FNDC7: variants seen among roughly 807,000 people sequenced by gnomAD.
FNDC7 encodes the protein fibronectin type III domain-containing protein 7.
In FNDC7, 66 loss-of-function variants were observed where a neutral mutation model predicts 74.2. The ratio of observed to expected loss-of-function variants is 0.89; its 90% confidence interval spans 0.73 to 1.09. The LOEUF is 1.09. Among genes scored for constraint, FNDC7 ranks in the 50% least tolerant of loss-of-function variants. The pLI, the probability that FNDC7 is intolerant of heterozygous loss-of-function variation, is 0.00. For synonymous variants in FNDC7, 307 were observed against 330.2 expected (o/e 0.93, Z 0.76); for missense variants, 829 against 893.4 (o/e 0.93, Z 0.92).
intron 6 of FNDC7, 95 bp downstream of exon 6, chr1:108,726,099 G>C: frequency 7.1e-7 from 1 of 1,411,550 alleles, no homozygotes; most frequent in Non-Finnish European, 9.8e-7. Flanking sequence ...TTACCACCTG[G>C]GAGTCATTCT....
chr1:108,721,212 G>T (rs1661085260), intron 4 of FNDC7, among the ~76,000 whole-genome samples: 1 of 152,358 alleles, frequency 6.6e-6, no homozygotes, highest in South Asian at 2.1e-4. Context: ...GCTCACGCCT[G>T]TAATCCCAGC....
intron 7 of FNDC7, 46 bp downstream of exon 7, chr1:108,728,111 C>A: frequency 6.3e-7 from 1 of 1,588,338 alleles, no homozygotes; most frequent in South Asian, 1.2e-5. Context: ...GAATGATTCA[C>A]CCCAGCTCTG....
intron 9 of FNDC7, among the ~76,000 whole-genome samples, chr1:108,732,398 A>C (rs1334717092): frequency 1.3e-5 from 2 of 152,028 alleles, no homozygotes; most frequent in African/African-American, 2.4e-5. Context: ...GTGGACCAGC[A>C]AACTTGGTCA....
At chr1:108,722,632 CCTGACTG>C in intron 5 of FNDC7, 40 bp downstream of exon 5, 1 of 1,578,358 alleles carries the variant, frequency 6.3e-7, no homozygotes, top group East Asian at 2.3e-5. Context: ...GGCTTGCAGC[CCTGACTG>C]CTGTAAGGGA....
chr1:108,728,928 T>C, intron 8 of FNDC7, 42 bp downstream of exon 8: 2 of 1,602,004 alleles, frequency 1.2e-6, no homozygotes, highest in South Asian at 2.2e-5. Context: ...TTCAGTGGGG[T>C]CCTTATGGAG....
chr1:108,718,675 C>A, intron 3 of FNDC7, 114 bp from the exon 4 acceptor site: 1 of 1,171,244 alleles, frequency 8.5e-7, no homozygotes, highest in Non-Finnish European at 1.2e-6. Flanking sequence ...TGTGAATGCT[C>A]TTCTAAAGCA....
chr1:108,717,541 G>A (rs1184416258), intron 2 of FNDC7, among the ~76,000 whole-genome samples: 3 of 152,116 alleles, frequency 2.0e-5, no homozygotes, highest in Non-Finnish European at 4.4e-5. Flanking sequence ...TACCCCACAG[G>A]CAATTGGGGA....
chr1:108,740,966 T>G (rs1661630763), intron 11 of FNDC7, among the ~76,000 whole-genome samples: 1 of 152,240 alleles, frequency 6.6e-6, no homozygotes, highest in Non-Finnish European at 1.5e-5. Context: ...ACTTCCTCAT[T>G]GATTCTCTAA....
chr1:108,712,965 T>C lies in FNDC7; in HGVS notation c.32T>C (p.Leu11Ser). 6.4e-7 allele frequency: 1 copy of C among 1,551,726 alleles called. No individual in the cohort carries two copies. Among genetic ancestry groups the C allele is most frequent in the Non-Finnish European group, 8.7e-7 (1 of 1,146,986 alleles). ...GGTGGACGAGAGACATGTTTGCCTT[T>C]GATTGGATTCATTCTTATCTGTCTT... MAGGRETCLP[L>S]IGFILICLKM... Residue 11 changes from leucine to serine, a missense_variant, in exon 1 of 13, where the codon TTG (leucine) becomes TCG (serine). Transcript: ENST00000370017.
In FNDC7 at chr1:108,717,915, C is replaced by A; in HGVS notation, c.221C>A (p.Ala74Asp). The A allele has an allele frequency of 6.4e-7, 1 of 1,551,758 alleles. No homozygotes were observed. Among genetic ancestry groups the A allele is most frequent in the African/African-American group, 1.4e-5 (1 of 73,170 alleles). Residue 74 changes from alanine (A) to aspartate (D), a missense_variant, in exon 3 of 13, where the codon GCC becomes GAC. Transcript: ENST00000370017. Reference protein sequence around the residue: ...DGDTVIETTVANSPGTVTGLK... With the variant: ...DGDTVIETTVDNSPGTVTGLK... ...GACACAGTCATTGAAACCACGGTGG[C>A]CAATTCCCCAGGCACTGTGACGGGA...
At chr1:108,717,248 A>G (rs1660994754) in intron 2 of FNDC7, among the ~76,000 whole-genome samples, 2 of 152,258 alleles carry the variant, frequency 1.3e-5, no homozygotes, top group Non-Finnish European at 2.9e-5. Flanking sequence ...CCATTGGATT[A>G]AAGGTTATCT....
intron 4 of FNDC7, 136 bp downstream of exon 4, chr1:108,719,185 G>A: frequency 1.1e-6 from 1 of 928,374 alleles, no homozygotes; most frequent in South Asian, 1.8e-5. Context: ...TTATTATAAA[G>A]TTATTTATAG....
intron 10 of FNDC7, among the ~76,000 whole-genome samples, chr1:108,737,253 G>A: frequency 6.6e-6 from 1 of 152,176 alleles, no homozygotes; most frequent in East Asian, 1.9e-4. Context: ...TTACAGGTGT[G>A]AGTCACTGCG....
intron 11 of FNDC7, among the ~76,000 whole-genome samples, chr1:108,738,034 A>AC (rs1482031645): frequency 1.3e-5 from 2 of 152,186 alleles, no homozygotes; most frequent in African/African-American, 4.8e-5. Context: ...CACACACATC[A>AC]CCTGGGGCCT....
intron 6 of FNDC7, 74 bp downstream of exon 6, chr1:108,726,078 C>A: frequency 6.5e-7 from 1 of 1,530,354 alleles, no homozygotes; most frequent in Non-Finnish European, 8.9e-7. Flanking sequence ...TCACCTATTC[C>A]ACTTATTGAC....
At position 108,727,828 on chromosome 1, in the gene FNDC7, A is replaced by C. The variant is rs763141937; in HGVS notation, c.1132A>C (p.Ile378Leu). Residue 378 changes from isoleucine (I) to leucine (L), a missense_variant, in exon 7 of 13, where the codon ATT (isoleucine) becomes CTT (leucine). Ile to Leu is a conservative substitution (Grantham distance 5). Coordinates refer to ENST00000370017, the MANE Select transcript of FNDC7 (RefSeq NM_001144937.3). ...TTCAGCTCCCTGTTGTCCTAGTGAC[A>C]TTAACCCCGTGTTGGTGTCCAGTGA... is the stretch of plus-strand genomic sequence containing the variant. ...YTTAPCCPSD[I>L]NPVLVSSDRV... is the part of the protein sequence containing the mutation. 3 of 1,614,022 alleles carry C rather than the reference A, an allele frequency of 1.9e-6. No individual in the cohort carries two copies. The Admixed American group carries it at 5.0e-5, about 27-fold the overall frequency.
At position 108,730,257 on chromosome 1, in the gene FNDC7, G is replaced by A. The variant is rs149788245; in HGVS notation, c.1625-417G>A. ...CTGGGCATGGTGGCACGCACCTGTA[G>A]TCCCAGCTACTCAGGAGGCTGAGGC... On this transcript the variant is annotated intron_variant, in intron 8 of 12. Transcript: ENST00000370017. 1.9e-3 allele frequency among the ~76,000 whole-genome samples: 288 copies of A among 151,712 alleles called. 6 individuals carry two copies. In the East Asian group the frequency reaches 0.053, roughly 28 times the overall value.
chr1:108,734,949 C>T (rs1232547501), intron 10 of FNDC7, among the ~76,000 whole-genome samples: 3 of 152,076 alleles, frequency 2.0e-5, no homozygotes, highest in African/African-American at 4.8e-5. Flanking sequence ...AGCTCAGAGG[C>T]TCCCAAATCT....
chr1:108,717,626 T>C (rs1570724013), intron 2 of FNDC7, 151 bp from the exon 3 acceptor site: 2 of 801,532 alleles, frequency 2.5e-6, no homozygotes, highest in East Asian at 2.7e-5. Context: ...TTTGTCTTTC[T>C]TTTTCTCTGT....
Sources: gnomAD v4.1 joint callset for allele counts (sites outside exome capture counted in the v4.1 genomes callset) on GRCh38, gnomAD v4.1.1 for gene constraint, MANE v1.5 for transcripts, NCBI Gene and HGNC (gene_info 2026-07-23, HGNC 2026-07-21) for gene names.